The following OR2T6 variants were observed in gnomAD, a reference collection of about 807,000 sequenced individuals.
OR2T6 encodes olfactory receptor family 2 subfamily T member 6.
For synonymous variants in OR2T6, 174 were observed against 148.0 expected (o/e 1.18, Z -1.27); for missense variants, 424 against 391.6 (o/e 1.08, Z -0.70).
intron 1 of OR2T6, among the ~76,000 whole-genome samples, chr1:248,381,003 T>C (rs554114920): frequency 3.3e-5 from 5 of 152,206 alleles, no homozygotes; most frequent in Admixed American, 1.3e-4. Flanking sequence ...GAAGAGTAAA[T>C]CTACACTTTG....
chr1:248,388,000 G>A lies in OR2T6; in HGVS notation c.392G>A (p.Arg131His), dbSNP rs371476686. ...TACGTGGCCATCTGCAACCCACTGC[G>A]CTATCCTGTCCTCATCAGCTGGCGG... Reference protein sequence around the residue: ...DRYVAICNPLRYPVLISWRVC... With the variant: ...DRYVAICNPLHYPVLISWRVC... Residue 131 changes from arginine to histidine, a missense_variant, in exon 3 of 3, where the codon CGC becomes CAC. Transcript: ENST00000641644. 41 of 1,612,286 alleles carry A rather than the reference G, an allele frequency of 2.5e-5. No individual in the cohort carries two copies. The African/African-American group carries it at 4.8e-4, about 19-fold the overall frequency.
intron 1 of OR2T6, among the ~76,000 whole-genome samples, chr1:248,383,070 C>T (rs530863302): frequency 1.3e-5 from 2 of 149,798 alleles, no homozygotes; most frequent in African/African-American, 2.5e-5. Context: ...ACTGCACTAG[C>T]CTGAGTGTGC....
At chr1:248,379,168 C>G (rs1430359764) in intron 1 of OR2T6, among the ~76,000 whole-genome samples, 1 of 152,110 alleles carries the variant, frequency 6.6e-6, no homozygotes, top group Non-Finnish European at 1.5e-5. Context: ...GAGCAAGTTC[C>G]TGTCTCAAAA....
chr1:248,383,733 A>G (rs1300039554), intron 1 of OR2T6, among the ~76,000 whole-genome samples: 13 of 32,410 alleles, frequency 4.0e-4, no homozygotes, highest in African/African-American at 2.9e-3. Flanking sequence ...ATCGTCATGG[A>G]GAAAGCACTG....
In OR2T6 at chr1:248,389,697, G is replaced by T. The variant is rs972857877; in HGVS notation, c.*1162G>T. The T allele has an allele frequency of 1.3e-5, 2 of 152,182 alleles. No individual in the cohort carries two copies. Among genetic ancestry groups the T allele is most frequent in the African/African-American group, 4.8e-5 (2 of 41,436 alleles). 9.4% of individuals were successfully genotyped at this position (152,182 alleles called of 1,614,324 possible). ...TGGTAGTCAGCGTTGTGGGCACACA[G>T]ACTCAAGCCACTCCACAAGTCAGTC... On this transcript the variant is annotated 3_prime_UTR_variant, in exon 3 of 3. Coordinates refer to ENST00000641644, the MANE Select transcript of OR2T6 (RefSeq NM_001005471.2).
rs143222756 is a variant in OR2T6 at position 248,379,769 on chromosome 1, G to A, written c.-159+3715G>A. Among the ~76,000 whole-genome samples the A allele has an allele frequency of 7.6e-3, 1,150 of 152,000 alleles. 10 individuals are homozygous for A. Among genetic ancestry groups the A allele is most frequent in the Admixed American group, 0.015 (231 of 15,266 alleles). On this transcript the variant is annotated intron_variant, in intron 1 of 2. Coordinates refer to ENST00000641644, the MANE Select transcript of OR2T6 (RefSeq NM_001005471.2). ...TTCTGTCCTTAGAAGATTTTTATGG[G>A]ATGTTTTCTGAACTAGGAATTTTGG... is the stretch of plus-strand genomic sequence containing the variant.
At chr1:248,382,009 C>G (rs192497076) in intron 1 of OR2T6, among the ~76,000 whole-genome samples, 1 of 152,184 alleles carries the variant, frequency 6.6e-6, no homozygotes, top group Non-Finnish European at 1.5e-5. Context: ...ATGATGTAAA[C>G]TTTGAAACTT....
chr1:248,384,496 ACCCT>A (rs1558306346), intron 1 of OR2T6, among the ~76,000 whole-genome samples: 1 of 72,960 alleles, frequency 1.4e-5, no homozygotes, highest in African/African-American at 5.7e-5. Context: ...GCACTGCACT[ACCCT>A]GAGTGTGCTC....
rs74153584 is a variant in OR2T6, at chr1:248,386,954, A to G, written c.-4-651A>G. Among the ~76,000 whole-genome samples the G allele has an allele frequency of 5.9e-3, 900 of 152,212 alleles. 10 individuals carry two copies. The highest frequency in any genetic ancestry group is 0.021 in the African/African-American group (860 of 41,532). Reference sequence around the variant, plus strand: ...AAGTCACATGATTCATATTCTTTTTATTTACTACAGTATCCCCAGAGCTTA... The same window carrying G: ...AAGTCACATGATTCATATTCTTTTTGTTTACTACAGTATCCCCAGAGCTTA... On this transcript the variant is annotated intron_variant, in intron 2 of 2. Coordinates refer to ENST00000641644, the MANE Select transcript of OR2T6 (RefSeq NM_001005471.2).
intron 1 of OR2T6, among the ~76,000 whole-genome samples, chr1:248,381,462 C>T (rs1161239794): frequency 1.3e-5 from 2 of 151,982 alleles, no homozygotes; most frequent in African/African-American, 4.8e-5. Flanking sequence ...TACTGGATCA[C>T]AATAAATACT....
At chr1:248,384,630 C>G (rs142910717) in intron 1 of OR2T6, 81 bp from the exon 2 acceptor site, 1 of 102,224 alleles carries the variant, frequency 9.8e-6, no homozygotes, top group Non-Finnish European at 2.3e-5. Context: ...AAGCACTGCA[C>G]TAGCCTGAGT....
rs1401247945 is a variant in OR2T6 at position 248,391,474 on chromosome 1, T to A, written c.*2939T>A. 19 of 152,154 alleles carry A rather than the reference T, an allele frequency of 1.2e-4. No homozygotes were observed. The highest frequency in any genetic ancestry group is 7.3e-5 in the Non-Finnish European group (5 of 68,056). The allele number at this position is 152,154 out of a possible 1,614,324, so 9.4% of individuals were successfully genotyped here. On this transcript the variant is annotated 3_prime_UTR_variant, in exon 3 of 3. Transcript: ENST00000641644. The stretch of plus-strand genomic sequence containing the variant: ...GGGGTCTGGGGGAAGTATGGATGGA[T>A]GGACAGAGCACAGAGGACTTTTAGA...
intron 1 of OR2T6, among the ~76,000 whole-genome samples, chr1:248,382,515 C>T (rs1032891402): frequency 6.8e-6 from 1 of 147,898 alleles, no homozygotes; most frequent in Non-Finnish European, 1.5e-5. Flanking sequence ...TCCAATACTC[C>T]ATGTCTACCT....
chr1:248,387,151 C>T (rs530077155), intron 2 of OR2T6, among the ~76,000 whole-genome samples: 1 of 152,192 alleles, frequency 6.6e-6, no homozygotes, highest in African/African-American at 2.4e-5. Flanking sequence ...ATGGTTATTT[C>T]TGGATGAGAC....
At position 248,389,844 on chromosome 1, in the gene OR2T6, C is replaced by T. The variant is rs1661218484; in HGVS notation, c.*1309C>T. ...GGAAAAGGGATAGGAGAAAGGATCA[C>T]AAACCAGTCCAAGGGGAGAGAAGAA... is the stretch of plus-strand genomic sequence containing the variant. On this transcript the variant is annotated 3_prime_UTR_variant, in exon 3 of 3. Transcript: ENST00000641644. 1 of 152,212 alleles carries T rather than the reference C, an allele frequency of 6.6e-6. No homozygotes were observed. The allele number at this position is 152,212 out of a possible 1,614,324, so 9.4% of individuals were successfully genotyped here.
At chr1:248,381,718 G>A (rs1661036900) in intron 1 of OR2T6, among the ~76,000 whole-genome samples, 1 of 151,782 alleles carries the variant, frequency 6.6e-6, no homozygotes, top group African/African-American at 2.4e-5. Flanking sequence ...TATGCAATAA[G>A]GCAATCATAT....
Position 248,387,859 on chromosome 1 carries a change from A to G in OR2T6, c.251A>G (p.Asp84Gly). Reference protein sequence around the residue: ...ISTIVPKMLVDYLMGEGTISF... With the variant: ...ISTIVPKMLVGYLMGEGTISF... ...ACCATTGTGCCCAAGATGCTGGTAG[A>G]TTATCTCATGGGCGAGGGGACCATC... Residue 84 changes from aspartate to glycine, a missense_variant, in exon 3 of 3, where the codon GAT becomes GGT. By Grantham distance (94) the Asp-to-Gly change is moderately conservative (BLOSUM62 -1). Transcript: ENST00000641644. 2 of 1,598,528 alleles carry G rather than the reference A, an allele frequency of 1.3e-6. No individual in the cohort carries two copies. Among genetic ancestry groups the G allele is most frequent in the East Asian group, 4.5e-5 (2 of 44,514 alleles).
At chr1:248,383,613 G>A (rs1339895072) in intron 1 of OR2T6, among the ~76,000 whole-genome samples, 1 of 129,068 alleles carries the variant, frequency 7.7e-6, no homozygotes, top group Non-Finnish European at 1.5e-5. Context: ...CACTGCACTA[G>A]CCTGAGTGTG....
At position 248,388,325 on chromosome 1, in the gene OR2T6, C is replaced by T. The variant is rs148186126; in HGVS notation, c.717C>T (p.Ala239=). 1 of 1,613,600 alleles carries T rather than the reference C, an allele frequency of 6.2e-7. No individual in the cohort carries two copies. The highest frequency in any genetic ancestry group is 1.3e-5 in the African/African-American group (1 of 74,996). Residue 239 remains alanine, a synonymous_variant, in exon 3 of 3, where the codon GCC becomes GCT. Transcript: ENST00000641644. Reference sequence around the variant, plus strand: ...CTGAAGGGAGGAAGAAGGCCTTTGCCACCTGCTCTTCACACATGATGGTGG... The same window carrying T: ...CTGAAGGGAGGAAGAAGGCCTTTGCTACCTGCTCTTCACACATGATGGTGG... ...TSAEGRKKAF[A]TCSSHMMVVT... is the part of the protein sequence containing the mutation.
Sources: gnomAD v4.1 joint callset for allele counts (sites outside exome capture counted in the v4.1 genomes callset) on GRCh38, gnomAD v4.1.1 for gene constraint, MANE v1.5 for transcripts, NCBI Gene and HGNC (gene_info 2026-07-23, HGNC 2026-07-21) for gene names.